The following RNF128 variants were observed in gnomAD, a reference collection of about 807,000 sequenced individuals.
RNF128 encodes ring finger protein 128.
RNF128 carries 13 observed loss-of-function variants against 26.2 expected under a neutral mutation model. The ratio of observed to expected loss-of-function variants is 0.50; its 90% CI spans 0.32 to 0.79. RNF128 has a LOEUF of 0.79. RNF128 is among the 30% of genes least tolerant of loss of function. The probability of loss-of-function intolerance (pLI) is 0.03; values close to 1 mark genes in which losing one functional copy is unlikely to be tolerated. For synonymous variants in RNF128, 149 were observed against 142.5 expected (o/e 1.05, Z -0.32); for missense variants, 315 against 349.7 (o/e 0.90, Z 0.79).
At chrX:106,700,283 C>T (rs1393946061) in intron 1 of RNF128, among the ~76,000 whole-genome samples, 1 of 110,858 alleles carries the variant, frequency 9.0e-6, no homozygotes, top group Non-Finnish European at 1.9e-5. Flanking sequence ...CTCGACATCC[C>T]AAAGTGCTGG....
chrX:106,734,191 C>T (rs1401071719), intron 1 of RNF128, among the ~76,000 whole-genome samples: 1 of 111,105 alleles, frequency 9.0e-6, no homozygotes, highest in East Asian at 2.8e-4. Context: ...CTTTCTTTAG[C>T]TACCAGAAAG....
At chrX:106,767,328 G>A (rs754693002) in intron 1 of RNF128, among the ~76,000 whole-genome samples, 24 of 111,865 alleles carry the variant, frequency 2.1e-4, no homozygotes, top group African/African-American at 7.5e-4. Flanking sequence ...TCACAATATT[G>A]ATTCTTCCTA....
In RNF128 at chrX:106,783,448, ATACT is replaced by A. The variant is rs755234321; in HGVS notation, c.733-1613_733-1610del. ...TGCTATATGCCAGACATTATACTAA[ATACT>A]TACATTATCTCTAATTTTCATGTAA... is the stretch of plus-strand genomic sequence containing the variant. On this transcript the variant is annotated intron_variant, in intron 2 of 6. Coordinates refer to ENST00000255499, the MANE Select transcript of RNF128 (RefSeq NM_194463.2). 9.5e-3 allele frequency among the ~76,000 whole-genome samples: 1,056 copies of A among 111,592 alleles called. 5 individuals are homozygous for A. Among genetic ancestry groups the A allele is most frequent in the Non-Finnish European group, 0.015 (781 of 53,096 alleles).
chrX:106,777,597 C>T (rs1341834177), intron 2 of RNF128, among the ~76,000 whole-genome samples: 3 of 111,931 alleles, frequency 2.7e-5, no homozygotes, highest in African/African-American at 9.7e-5. Context: ...GGCAGCAAGG[C>T]CAATATATCC....
intron 1 of RNF128, among the ~76,000 whole-genome samples, chrX:106,699,624 C>T (rs1928922542): frequency 8.9e-6 from 1 of 112,193 alleles, no homozygotes; most frequent in African/African-American, 3.2e-5. Context: ...CATCACTCCT[C>T]TTCTCAGAAC....
intron 1 of RNF128, among the ~76,000 whole-genome samples, chrX:106,728,911 G>C (rs1357340229): frequency 8.9e-6 from 1 of 111,752 alleles, no homozygotes; most frequent in African/African-American, 3.3e-5. Flanking sequence ...TCTCTTGGCC[G>C]ATAATTCATT....
At chrX:106,722,883 G>A (rs1401389567), upstream of RNF128, among the ~76,000 whole-genome samples, 2 of 110,929 alleles carry the variant, frequency 1.8e-5, no homozygotes, top group Middle Eastern at 4.2e-3. Context: ...AGCAAGGGGG[G>A]TTCATAGGAT....
intron 1 of RNF128, among the ~76,000 whole-genome samples, chrX:106,739,400 C>T (rs903038998): frequency 9.0e-6 from 1 of 111,158 alleles, no homozygotes; most frequent in Non-Finnish European, 1.9e-5. Context: ...CTCAAGTAAT[C>T]CGCCCACCAT....
chrX:106,736,509 G>T (rs1000588201), intron 1 of RNF128, among the ~76,000 whole-genome samples: 5 of 111,053 alleles, frequency 4.5e-5, no homozygotes, highest in Admixed American at 1.9e-4. Flanking sequence ...CCTTCTATGT[G>T]ATTCCACTTC....
chrX:106,733,762 G>A (rs1190455763), intron 1 of RNF128, among the ~76,000 whole-genome samples: 4 of 110,564 alleles, frequency 3.6e-5, no homozygotes, highest in African/African-American at 6.6e-5. Context: ...GTACCATGGC[G>A]TGGTCTCAGC....
intron 4 of RNF128, 22 bp downstream of exon 4, chrX:106,788,022 A>G (rs777246285): frequency 2.0e-6 from 2 of 983,394 alleles, no homozygotes; most frequent in Non-Finnish European, 2.7e-6. Context: ...TTTCTTCTAT[A>G]TCTTCAATAA....
intron 1 of RNF128, among the ~76,000 whole-genome samples, chrX:106,701,318 T>C (rs148438665): frequency 2.7e-3 from 304 of 111,854 alleles, no homozygotes; most frequent in African/African-American, 9.4e-3. Flanking sequence ...TCATTGAGTA[T>C]GTTATTTGAT....
At chrX:106,715,115 G>A (rs1410899747) in intron 1 of RNF128, among the ~76,000 whole-genome samples, 1 of 111,704 alleles carries the variant, frequency 9.0e-6, no homozygotes, top group African/African-American at 3.3e-5. Context: ...GAAACTGCCA[G>A]ACTGTTTTCC....
At chrX:106,774,144 T>C (rs1208046161) in intron 2 of RNF128, among the ~76,000 whole-genome samples, 3 of 111,515 alleles carry the variant, frequency 2.7e-5, no homozygotes, top group African/African-American at 9.8e-5. Flanking sequence ...CTTGGCCATT[T>C]ACTCTCCTAC....
Position 106,765,783 on chromosome X carries a change from T to A in RNF128, c.485-7130T>A, listed in dbSNP as rs756007610. ...GCACAACATGCAGGTTTGTCACATA[T>A]GTTTACATGTGCCATGTTGGTGTGC... On this transcript the variant is annotated intron_variant, in intron 1 of 6. Coordinates refer to ENST00000255499, the MANE Select transcript of RNF128 (RefSeq NM_194463.2). 2.1e-3 allele frequency among the ~76,000 whole-genome samples: 229 copies of A among 111,376 alleles called. 3 individuals are homozygous for A. The highest frequency in any genetic ancestry group is 3.2e-3 in the Non-Finnish European group (169 of 53,078).
At chrX:106,731,761 A>G (rs1435595106) in intron 1 of RNF128, among the ~76,000 whole-genome samples, 2 of 111,548 alleles carry the variant, frequency 1.8e-5, no homozygotes, top group African/African-American at 6.5e-5. Flanking sequence ...TAGATGCCAC[A>G]TCCTGTTGAT....
chrX:106,757,982 G>A (rs2147685678), intron 1 of RNF128, among the ~76,000 whole-genome samples: 1 of 111,892 alleles, frequency 8.9e-6, no homozygotes, highest in East Asian at 2.8e-4. Context: ...AAATTGGAAA[G>A]GAAAAAGTCA....
intron 1 of RNF128, among the ~76,000 whole-genome samples, chrX:106,768,355 T>G (rs112674475): frequency 0.2 from 22,371 of 110,525 alleles, 2,089 homozygotes; most frequent in East Asian, 0.37. Context: ...TGGACTTTTT[T>G]TGGTTGGTAG....
At chrX:106,776,672 A>T (rs1333622351) in intron 2 of RNF128, among the ~76,000 whole-genome samples, 1 of 112,078 alleles carries the variant, frequency 8.9e-6, no homozygotes, top group Non-Finnish European at 1.9e-5. Context: ...GTAGAAGCTC[A>T]GGCAGAGAAT....
Sources: allele counts gnomAD v4.1 joint callset (sites outside exome capture counted in the v4.1 genomes callset), GRCh38; gene constraint gnomAD v4.1.1; transcripts MANE v1.5; gene names NCBI Gene and HGNC (gene_info 2026-07-23, HGNC 2026-07-21).